Variants in SH3RF1 observed in about 807,000 individuals in gnomAD.
The protein encoded by SH3RF1 is E3 ubiquitin-protein ligase SH3RF1.
A neutral mutation model predicts 74.0 loss-of-function variants in SH3RF1; 32 were observed. The observed-to-expected ratio is 0.43, with a 90% confidence interval of 0.33 to 0.58. The LOEUF is 0.58. Among genes scored for constraint, SH3RF1 ranks in the 20% least tolerant of loss-of-function variants. SH3RF1 has a pLI of 0.05. For missense variants in SH3RF1, 954 were observed against 1,130.9 expected (o/e 0.84, Z 2.24); for synonymous variants, 396 against 439.6 (o/e 0.90, Z 1.24).
intron 6 of SH3RF1, among the ~76,000 whole-genome samples, chr4:169,127,048 T>C (rs993443790): frequency 1.3e-5 from 2 of 152,234 alleles, no homozygotes; most frequent in African/African-American, 4.8e-5. Flanking sequence ...AAAGGCCTTC[T>C]GCCATTATGC....
chr4:169,103,969 G>A (rs1340036313), intron 11 of SH3RF1, among the ~76,000 whole-genome samples: 1 of 152,188 alleles, frequency 6.6e-6, no homozygotes, highest in Non-Finnish European at 1.5e-5. Context: ...TTCCCTATCT[G>A]ATGTGCATCC....
At position 169,167,279 on chromosome 4, in the gene SH3RF1, C is replaced by T. The variant is rs552753127; in HGVS notation, c.394-10600G>A. ...AAAACCAAAATGATATATTATAATG[C>T]GTTCATTAGAATGATTAAAATTTAA... On this transcript the variant is annotated intron_variant, in intron 2 of 11. Transcript: ENST00000284637. 7.2e-5 allele frequency among the ~76,000 whole-genome samples: 11 copies of T among 152,168 alleles called. No individual in the cohort carries two copies. The South Asian group carries it at 1.0e-3, about 14-fold the overall frequency.
chr4:169,158,304 G>C (rs1036463038), intron 2 of SH3RF1, among the ~76,000 whole-genome samples: 2 of 152,182 alleles, frequency 1.3e-5, no homozygotes, highest in South Asian at 2.1e-4. Flanking sequence ...TGGAGTGAAT[G>C]AATGAAAGAG....
Position 169,136,502 on chromosome 4 carries a change from G to T in SH3RF1, c.884C>A (p.Thr295Asn), listed in dbSNP as rs1453532273. 4 of 1,613,964 alleles carry T rather than the reference G, an allele frequency of 2.5e-6. No homozygotes were observed. Among genetic ancestry groups the T allele is most frequent in the East Asian group, 2.2e-5 (1 of 44,878 alleles). Residue 295 changes from threonine to asparagine, a missense_variant, in exon 5 of 12, where the codon ACC (threonine) becomes AAC (asparagine). Coordinates refer to ENST00000284637, the MANE Select transcript of SH3RF1 (RefSeq NM_020870.4). ...GTGCCGCTTTTTGGTGTTCTTCTTGGTGTCGGAGTGCTTTGGGGCAGTGCT... is the reference window on the plus strand; with the variant it reads ...GTGCCGCTTTTTGGTGTTCTTCTTGTTGTCGGAGTGCTTTGGGGCAGTGCT... ...QSSTAPKHSD[T>N]KKNTKKRHSF...
chr4:169,135,367 A>C (rs370336868), intron 5 of SH3RF1, among the ~76,000 whole-genome samples: 18 of 152,302 alleles, frequency 1.2e-4, no homozygotes, highest in African/African-American at 3.4e-4. Flanking sequence ...AGAAAAAAAA[A>C]CCACCATAGC....
chr4:169,143,380 G>A (rs1733818186), intron 4 of SH3RF1, among the ~76,000 whole-genome samples: 1 of 152,126 alleles, frequency 6.6e-6, no homozygotes, highest in South Asian at 2.1e-4. Flanking sequence ...TGCGAACGGA[G>A]TGCTTCCATC....
At chr4:169,204,953 C>T (rs1218609112) in intron 2 of SH3RF1, among the ~76,000 whole-genome samples, 1 of 152,064 alleles carries the variant, frequency 6.6e-6, no homozygotes, top group African/African-American at 2.4e-5. Flanking sequence ...TTTAAAAAGG[C>T]TTCACGAGAG....
At chr4:169,214,532 T>C (rs1014913541) in intron 2 of SH3RF1, among the ~76,000 whole-genome samples, 2 of 152,224 alleles carry the variant, frequency 1.3e-5, no homozygotes, top group Non-Finnish European at 2.9e-5. Context: ...AAAACTGACA[T>C]CTTGACAATA....
intron 2 of SH3RF1, among the ~76,000 whole-genome samples, chr4:169,173,730 C>T (rs6842644): frequency 0.13 from 20,274 of 151,930 alleles, 1,770 homozygotes; most frequent in African/African-American, 0.24. Flanking sequence ...GTGGAAACCA[C>T]TATCTAACCA....
intron 2 of SH3RF1, among the ~76,000 whole-genome samples, chr4:169,224,850 G>A (rs1378325089): frequency 6.6e-6 from 1 of 152,196 alleles, no homozygotes; most frequent in African/African-American, 2.4e-5. Context: ...GTATTGAAGA[G>A]GGGAAGTCAA....
chr4:169,256,057 C>G (rs1157464537), intron 2 of SH3RF1, among the ~76,000 whole-genome samples: 1 of 152,198 alleles, frequency 6.6e-6, no homozygotes, highest in African/African-American at 2.4e-5. Flanking sequence ...CGTGAGCCAC[C>G]ATGCCTGGGC....
chr4:169,236,947 G>C (rs543751195), intron 2 of SH3RF1, among the ~76,000 whole-genome samples: 11 of 152,280 alleles, frequency 7.2e-5, no homozygotes, highest in Admixed American at 5.9e-4. Flanking sequence ...GAAGAGAGAC[G>C]ATTGTATTTA....
intron 2 of SH3RF1, among the ~76,000 whole-genome samples, chr4:169,180,324 C>T (rs1043549654): frequency 6.6e-6 from 1 of 152,190 alleles, no homozygotes; most frequent in African/African-American, 2.4e-5. Context: ...TCTGAGGACT[C>T]GTGTTCCAAG....
chr4:169,128,438 C>A (rs1369303443), intron 6 of SH3RF1, among the ~76,000 whole-genome samples: 1 of 152,124 alleles, frequency 6.6e-6, no homozygotes, highest in Admixed American at 6.5e-5. Context: ...GAAAATAAAA[C>A]AAACAAACAA....
intron 2 of SH3RF1, among the ~76,000 whole-genome samples, chr4:169,255,648 C>CACACACAT (rs1294125203): frequency 6.6e-6 from 1 of 151,590 alleles, no homozygotes; most frequent in Non-Finnish European, 1.5e-5. Context: ...CACACACACA[C>CACACACAT]ACACACACAC....
At chr4:169,190,994 C>T in intron 2 of SH3RF1, among the ~76,000 whole-genome samples, 1 of 152,068 alleles carries the variant, frequency 6.6e-6, no homozygotes, top group African/African-American at 2.4e-5. Flanking sequence ...TCAATAGATG[C>T]AGAAAAAGCA....
At chr4:169,134,969 C>T (rs946518110) in intron 5 of SH3RF1, among the ~76,000 whole-genome samples, 1 of 152,192 alleles carries the variant, frequency 6.6e-6, no homozygotes, top group African/African-American at 2.4e-5. Flanking sequence ...CACAAAACAA[C>T]AATCCCACAA....
chr4:169,219,829 T>A (rs1730534115), intron 2 of SH3RF1, among the ~76,000 whole-genome samples: 1 of 152,238 alleles, frequency 6.6e-6, no homozygotes, highest in African/African-American at 2.4e-5. Context: ...AATCAATTAT[T>A]TACATGTCGC....
intron 2 of SH3RF1, among the ~76,000 whole-genome samples, chr4:169,199,902 C>T (rs964593317): frequency 2.0e-5 from 3 of 151,986 alleles, no homozygotes; most frequent in Non-Finnish European, 4.4e-5. Flanking sequence ...TATTTTAAAA[C>T]AATAACAAAA....
Sources: gnomAD v4.1 joint callset for allele counts (sites outside exome capture counted in the v4.1 genomes callset) on GRCh38, gnomAD v4.1.1 for gene constraint, MANE v1.5 for transcripts, NCBI Gene and HGNC (gene_info 2026-07-23, HGNC 2026-07-21) for gene names.